Variants in TMEM232 observed in about 807,000 individuals in gnomAD.
TMEM232 encodes transmembrane protein 232.
TMEM232 carries 80 observed loss-of-function variants against 78.8 expected under a neutral mutation model. The ratio of observed to expected loss-of-function variants is 1.01; its 90% confidence interval spans 0.85 to 1.22. The LOEUF (loss-of-function observed/expected upper bound fraction) is 1.22. TMEM232 is among the 50% of genes most tolerant of loss of function. TMEM232 has a pLI of 0.00. For synonymous variants in TMEM232, 297 were observed against 254.3 expected (o/e 1.17, Z -1.60); for missense variants, 881 against 742.2 (o/e 1.19, Z -2.17).
chr5:110,669,055 C>T (rs113207793), intron 1 of TMEM232, among the ~76,000 whole-genome samples: 1,991 of 152,140 alleles, frequency 0.013, 35 homozygotes, highest in African/African-American at 0.045. Flanking sequence ...ACCCTAACAT[C>T]ACAATTAAAA....
chr5:110,646,609 C>A (rs1044968570), intron 2 of TMEM232, among the ~76,000 whole-genome samples: 1 of 151,676 alleles, frequency 6.6e-6, no homozygotes, highest in Non-Finnish European at 1.5e-5. Context: ...TAAAAGAATG[C>A]ATAGGGAATA....
At chr5:110,616,028 C>A (rs1782884589) in intron 8 of TMEM232, among the ~76,000 whole-genome samples, 1 of 151,850 alleles carries the variant, frequency 6.6e-6, no homozygotes, top group Non-Finnish European at 1.5e-5. Context: ...AATGCAATTC[C>A]TATCAAAATT....
At chr5:110,579,260 TA>T (rs1200639579) in intron 10 of TMEM232, among the ~76,000 whole-genome samples, 96 of 141,734 alleles carry the variant, frequency 6.8e-4, no homozygotes, top group Admixed American at 7.8e-4. Flanking sequence ...AACTGCAGTT[TA>T]AAAAAAAAAA....
chr5:110,472,470 C>T (rs945161322), intron 12 of TMEM232, among the ~76,000 whole-genome samples: 2 of 151,796 alleles, frequency 1.3e-5, no homozygotes, highest in Non-Finnish European at 2.9e-5. Context: ...TCCATACTCC[C>T]AAAATTATTC....
chr5:110,435,247 G>A (rs1282555850), intron 12 of TMEM232, among the ~76,000 whole-genome samples: 2 of 151,546 alleles, frequency 1.3e-5, no homozygotes, highest in Admixed American at 6.6e-5. Context: ...TAAAATCAAT[G>A]CACAAAAATC....
intron 12 of TMEM232, among the ~76,000 whole-genome samples, chr5:110,436,800 G>C (rs1479155939): frequency 6.6e-6 from 1 of 151,892 alleles, no homozygotes; most frequent in South Asian, 2.1e-4. Context: ...TCTCTACTCT[G>C]TTCCATTGGT....
At chr5:110,495,602 T>G (rs1039466581) in intron 12 of TMEM232, among the ~76,000 whole-genome samples, 8 of 152,024 alleles carry the variant, frequency 5.3e-5, no homozygotes, top group Non-Finnish European at 1.0e-4. Flanking sequence ...ATAAAAATTA[T>G]GATTCTCTAG....
chr5:110,475,367 T>C (rs1763130596), intron 12 of TMEM232, among the ~76,000 whole-genome samples: 1 of 151,034 alleles, frequency 6.6e-6, no homozygotes, highest in Admixed American at 6.6e-5. Context: ...TAAAATTTCA[T>C]CCCTGACAGA....
At chr5:110,689,813 G>A (rs1793874674) in intron 1 of TMEM232, among the ~76,000 whole-genome samples, 1 of 152,022 alleles carries the variant, frequency 6.6e-6, no homozygotes, top group Non-Finnish European at 1.5e-5. Context: ...ACAGAATAGA[G>A]GCCACAGAAA....
chr5:110,568,967 A>C (rs1776627543), intron 10 of TMEM232, among the ~76,000 whole-genome samples: 1 of 151,958 alleles, frequency 6.6e-6, no homozygotes, highest in African/African-American at 2.4e-5. Flanking sequence ...GAATATGAAC[A>C]CAGGCCACCA....
intron 11 of TMEM232, among the ~76,000 whole-genome samples, chr5:110,542,982 G>T (rs1773345062): frequency 6.6e-6 from 1 of 152,070 alleles, no homozygotes; most frequent in African/African-American, 2.4e-5. Context: ...GGGCTCTTGA[G>T]CCACTTGCTC....
intron 10 of TMEM232, among the ~76,000 whole-genome samples, chr5:110,573,299 T>C (rs1469025164): frequency 6.6e-6 from 1 of 152,064 alleles, no homozygotes; most frequent in Admixed American, 6.6e-5. Context: ...TACATAAGTA[T>C]AGCCTTTGCA....
At chr5:110,679,056 T>C (rs1792383962) in intron 1 of TMEM232, among the ~76,000 whole-genome samples, 1 of 152,302 alleles carries the variant, frequency 6.6e-6, no homozygotes, top group East Asian at 1.9e-4. Flanking sequence ...TGCTGTACCT[T>C]ATGGTAAGAG....
intron 1 of TMEM232, among the ~76,000 whole-genome samples, chr5:110,676,401 CTTT>C (rs369628739): frequency 7.1e-6 from 1 of 141,816 alleles, no homozygotes. Context: ...GTTCCCTTTT[CTTT>C]TTTTTTTTTT....
At chr5:110,409,264 T>C (rs1755903110) in intron 2 of TMEM232, among the ~76,000 whole-genome samples, 1 of 152,190 alleles carries the variant, frequency 6.6e-6, no homozygotes, top group Non-Finnish European at 1.5e-5. Flanking sequence ...TGCCAAATCA[T>C]AGTATAATCT....
intron 12 of TMEM232, among the ~76,000 whole-genome samples, chr5:110,487,783 C>G (rs1030520412): frequency 2.0e-5 from 3 of 151,880 alleles, no homozygotes; most frequent in Non-Finnish European, 4.4e-5. Context: ...TATTTCCTTT[C>G]CTGGTTTTGG....
At chr5:110,647,530 G>A (rs73226255) in intron 2 of TMEM232, among the ~76,000 whole-genome samples, 5 of 151,540 alleles carry the variant, frequency 3.3e-5, no homozygotes, top group African/African-American at 7.3e-5. Context: ...GTTTTTTGTC[G>A]TGTTTTTATG....
chr5:110,653,158 A>AG (rs1788569568), intron 2 of TMEM232, among the ~76,000 whole-genome samples: 1 of 152,210 alleles, frequency 6.6e-6, no homozygotes, highest in South Asian at 2.1e-4. Flanking sequence ...CTGGGAGGGA[A>AG]GTGAGACACT....
At chr5:110,645,422 T>C (rs967670037) in intron 2 of TMEM232, among the ~76,000 whole-genome samples, 28 of 121,154 alleles carry the variant, frequency 2.3e-4, no homozygotes, top group Admixed American at 1.5e-3. Flanking sequence ...TGGTTCAACA[T>C]ACAAAAATAA....
Sources: allele counts gnomAD v4.1 joint callset (sites outside exome capture counted in the v4.1 genomes callset), GRCh38; gene constraint gnomAD v4.1.1; transcripts MANE v1.5; gene names NCBI Gene and HGNC (gene_info 2026-07-23, HGNC 2026-07-21).